The following UPK1B variants were observed in gnomAD, a reference collection of about 807,000 sequenced individuals.
UPK1B encodes uroplakin 1B.
A neutral mutation model predicts 34.2 loss-of-function variants in UPK1B; 28 were observed. That is an observed-to-expected ratio of 0.82 (90% CI 0.61 to 1.12). UPK1B has a LOEUF of 1.12. Among genes scored for constraint, UPK1B ranks in the 50% most tolerant of loss-of-function variants. The probability of loss-of-function intolerance (pLI) is 0.00; values close to 1 mark genes in which losing one functional copy is unlikely to be tolerated. For synonymous variants in UPK1B, 81 were observed against 110.4 expected, an observed-to-expected ratio of 0.73 and a Z score of 1.67; for missense variants, 325 against 320.9, an observed-to-expected ratio of 1.01 and a Z score of -0.10.
At chr3:119,202,656 A>C (rs1045061406) in intron 7 of UPK1B, among the ~76,000 whole-genome samples, 8 of 152,202 alleles carry the variant, frequency 5.3e-5, no homozygotes, top group African/African-American at 1.9e-4. Flanking sequence ...CAAATAAACT[A>C]AAATAAAACT....
At chr3:119,190,173 A>T in intron 3 of UPK1B, 72 bp from the exon 4 acceptor site, 1 of 1,219,904 alleles carries the variant, frequency 8.2e-7, no homozygotes, top group East Asian at 2.4e-5. Context: ...TGCTGAAAAA[A>T]CATAATTATT....
intron 1 of UPK1B, among the ~76,000 whole-genome samples, chr3:119,179,325 A>G (rs2077974281): frequency 7.3e-6 from 1 of 136,584 alleles, no homozygotes; most frequent in African/African-American, 2.6e-5. Context: ...CCCTGTTGAG[A>G]GAGAGAGAGG....
intron 6 of UPK1B, among the ~76,000 whole-genome samples, chr3:119,197,030 G>C (rs1034381981): frequency 1.3e-5 from 2 of 151,022 alleles, no homozygotes; most frequent in East Asian, 2.0e-4. Flanking sequence ...GTAGAGATGA[G>C]GTCTCACTGT....
At chr3:119,175,113 T>G (rs565067497) in intron 1 of UPK1B, among the ~76,000 whole-genome samples, 1 of 137,348 alleles carries the variant, frequency 7.3e-6, no homozygotes, top group South Asian at 2.5e-4. Context: ...CTGCAAGCTC[T>G]GCCTCCCGGG....
At chr3:119,202,682 T>C (rs1256695383) in intron 7 of UPK1B, among the ~76,000 whole-genome samples, 4 of 152,122 alleles carry the variant, frequency 2.6e-5, no homozygotes, top group African/African-American at 4.8e-5. Flanking sequence ...CTTGCCTAAG[T>C]CAGATATCTT....
intron 6 of UPK1B, among the ~76,000 whole-genome samples, chr3:119,196,755 G>A (rs1344685300): frequency 4.6e-5 from 7 of 151,894 alleles, no homozygotes; most frequent in Non-Finnish European, 1.0e-4. Context: ...GGCCAGGATG[G>A]TCTCGATCTC....
chr3:119,176,496 G>T (rs143144515), intron 1 of UPK1B, among the ~76,000 whole-genome samples: 119 of 152,288 alleles, frequency 7.8e-4, no homozygotes, highest in African/African-American at 2.7e-3. Context: ...AAAAAAATCT[G>T]CACTCTTTAA....
intron 6 of UPK1B, among the ~76,000 whole-genome samples, chr3:119,198,359 G>C (rs2078075878): frequency 6.6e-6 from 1 of 152,112 alleles, no homozygotes; most frequent in Non-Finnish European, 1.5e-5. Flanking sequence ...TGCTCAGATG[G>C]CAGCTCTAGC....
chr3:119,186,961 T>G, intron 2 of UPK1B, 151 bp downstream of exon 2: 1 of 740,260 alleles, frequency 1.4e-6, no homozygotes, highest in Non-Finnish European at 2.2e-6. Context: ...GTAAATATGC[T>G]AGCTAGAATT....
At chr3:119,174,892 A>T (rs1309592818) in intron 1 of UPK1B, among the ~76,000 whole-genome samples, 67 of 139,386 alleles carry the variant, frequency 4.8e-4, no homozygotes, top group South Asian at 1.4e-3. Context: ...CAACTCACCT[A>T]TTTTTTTTTT....
At chr3:119,203,660 G>T (rs2078104253) in intron 7 of UPK1B, among the ~76,000 whole-genome samples, 1 of 152,194 alleles carries the variant, frequency 6.6e-6, no homozygotes, top group South Asian at 2.1e-4. Context: ...GGGGTGAGGA[G>T]TGAGGAGAAG....
intron 7 of UPK1B, among the ~76,000 whole-genome samples, chr3:119,202,061 GAGGGA>G (rs1424207072): frequency 5.3e-5 from 8 of 152,162 alleles, no homozygotes; most frequent in African/African-American, 9.7e-5. Flanking sequence ...AAATTCAAAA[GAGGGA>G]AGGGAAGGGA....
intron 1 of UPK1B, among the ~76,000 whole-genome samples, chr3:119,176,553 C>T (rs1454239763): frequency 4.6e-5 from 7 of 152,216 alleles, no homozygotes; most frequent in Non-Finnish European, 1.0e-4. Context: ...AAATCATCAT[C>T]ATACCAGGCC....
intron 1 of UPK1B, among the ~76,000 whole-genome samples, chr3:119,174,828 G>A (rs1268967616): frequency 6.7e-6 from 1 of 150,052 alleles, no homozygotes; most frequent in African/African-American, 2.4e-5. Context: ...TTCTTACTTT[G>A]CTTTCTGCTC....
Position 119,194,312 on chromosome 3 carries a change from C to A in UPK1B, c.562C>A (p.Arg188Ser). Reference sequence around the variant, plus strand: ...TAATGATGCTGACTATCCCTGGCCTCGTCAATGCTGTGTTATGAACAATCT... The same window carrying A: ...TAATGATGCTGACTATCCCTGGCCTAGTCAATGCTGTGTTATGAACAATCT... ...ENNDADYPWPRQCCVMNNLKE... is the reference protein window; with the variant it reads ...ENNDADYPWPSQCCVMNNLKE... The change falls in exon 6 of 8, where the codon CGT becomes AGT. Residue 188 changes from arginine (R) to serine (S), a missense_variant. Transcript: ENST00000264234. 1 of 1,614,046 alleles carries A rather than the reference C, an allele frequency of 6.2e-7. No individual in the cohort carries two copies. Among genetic ancestry groups the A allele is most frequent in the Non-Finnish European group, 8.5e-7 (1 of 1,179,934 alleles).
chr3:119,182,722 C>T (rs538190253), intron 1 of UPK1B, among the ~76,000 whole-genome samples: 111 of 152,328 alleles, frequency 7.3e-4, no homozygotes, highest in African/African-American at 2.0e-3. Flanking sequence ...TCCCTCTTGA[C>T]ATCTGTGGCC....
chr3:119,192,635 A>T (rs545004373), intron 5 of UPK1B, among the ~76,000 whole-genome samples: 1 of 152,110 alleles, frequency 6.6e-6, no homozygotes, highest in East Asian at 1.9e-4. Flanking sequence ...GACAAGAACC[A>T]CCTCATCTTT....
At chr3:119,199,165 T>C in intron 7 of UPK1B, 25 bp downstream of exon 7, 1 of 1,613,048 alleles carries the variant, frequency 6.2e-7, no homozygotes. Context: ...GCACATATTT[T>C]ATCTGAGAGG....
chr3:119,180,711 T>G (rs1332486998), intron 1 of UPK1B, among the ~76,000 whole-genome samples: 1 of 151,960 alleles, frequency 6.6e-6, no homozygotes, highest in African/African-American at 2.4e-5. Flanking sequence ...TGGAACTGTG[T>G]CAAAGCTTTT....
Sources: allele counts gnomAD v4.1 joint callset (sites outside exome capture counted in the v4.1 genomes callset), GRCh38; gene constraint gnomAD v4.1.1; transcripts MANE v1.5; gene names NCBI Gene and HGNC (gene_info 2026-07-23, HGNC 2026-07-21).